The following ETNK1 variants were observed in gnomAD, a reference collection of about 807,000 sequenced individuals.
The protein encoded by ETNK1 is ethanolamine kinase 1.
A neutral mutation model predicts 45.1 loss-of-function variants in ETNK1; 8 were observed. The observed-to-expected ratio is 0.18, with a 90% CI of 0.10 to 0.32. ETNK1 has a LOEUF of 0.32. Ranked by LOEUF, ETNK1 falls within the 10% of genes least tolerant of loss-of-function variation. The pLI is 1.00. For synonymous variants in ETNK1, 152 were observed against 151.9 expected (o/e 1.00, Z -0.01); for missense variants, 302 against 430.6 (o/e 0.70, Z 2.64).
At chr12:22,668,825 T>A (rs1954079276) in intron 4 of ETNK1, among the ~76,000 whole-genome samples, 1 of 152,200 alleles carries the variant, frequency 6.6e-6, no homozygotes, top group South Asian at 2.1e-4. Flanking sequence ...CTACAAAAAG[T>A]CATTGCTAAA....
chr12:22,625,875 C>G (rs1290464148), intron 1 of ETNK1: 4 of 656,752 alleles, frequency 6.1e-6, no homozygotes, highest in Non-Finnish European at 1.1e-5. Flanking sequence ...AGTTGCCCCT[C>G]CTCCCACTCC....
chr12:22,680,605 T>C (rs569050897), intron 6 of ETNK1, among the ~76,000 whole-genome samples: 1 of 152,336 alleles, frequency 6.6e-6, no homozygotes, highest in African/African-American at 2.4e-5. Flanking sequence ...ATTTCTCTTA[T>C]TCCTTATGGA....
At position 22,686,624 on chromosome 12, in the gene ETNK1, C is replaced by T. The variant is rs757017372; in HGVS notation, c.*1670C>T. Reference sequence around the variant, plus strand: ...GTTTGTATCTGTAACAGTGTTAGACCAGATTTGGTTTCTACCTCCCCAATG... The same window carrying T: ...GTTTGTATCTGTAACAGTGTTAGACTAGATTTGGTTTCTACCTCCCCAATG... On this transcript the variant is annotated 3_prime_UTR_variant, in exon 8 of 8. Coordinates refer to ENST00000266517, the MANE Select transcript of ETNK1 (RefSeq NM_018638.5). 6.6e-6 allele frequency: 1 copy of T among 152,100 alleles called. No individual in the cohort carries two copies. The highest frequency in any genetic ancestry group is 2.4e-5 in the African/African-American group (1 of 41,374). 9.4% of individuals were successfully genotyped at this position (152,100 alleles called of 1,614,324 possible).
At chr12:22,678,624 A>G (rs529780554) in intron 6 of ETNK1, among the ~76,000 whole-genome samples, 7 of 152,232 alleles carry the variant, frequency 4.6e-5, no homozygotes, top group Non-Finnish European at 1.0e-4. Context: ...TACATTAACT[A>G]TATAATGAGT....
intron 4 of ETNK1, among the ~76,000 whole-genome samples, chr12:22,665,838 G>C (rs183633596): frequency 7.9e-5 from 12 of 152,030 alleles, no homozygotes; most frequent in Admixed American, 5.2e-4. Flanking sequence ...ATAACTACTA[G>C]TAGGTAGTTA....
rs1299128494 is a variant in ETNK1 at position 22,673,579 on chromosome 12, C to T, written c.864C>T (p.Tyr288=). Residue 288 remains tyrosine, a synonymous_variant, in exon 6 of 8, where the codon TAC becomes TAT. Transcript: ENST00000266517. ...SQWLRAYLEA[Y]KEFKGFGTEV... ...GGCTGCGTGCTTACCTTGAAGCCTA[C>T]AAAGAATTTAAGGGCTTTGGGACTG... 2 of 1,613,548 alleles carry T rather than the reference C, an allele frequency of 1.2e-6. No homozygotes were observed. Among genetic ancestry groups the T allele is most frequent in the Non-Finnish European group, 8.5e-7 (1 of 1,179,702 alleles).
chr12:22,675,582 T>G (rs1454673104), intron 6 of ETNK1, among the ~76,000 whole-genome samples: 1 of 152,116 alleles, frequency 6.6e-6, no homozygotes, highest in Non-Finnish European at 1.5e-5. Context: ...GGTCTTGGAC[T>G]CCTGGCCTCA....
intron 2 of ETNK1, chr12:22,656,808 TGTTAGA>T (rs920307912): frequency 2.0e-6 from 2 of 980,694 alleles, no homozygotes; most frequent in South Asian, 4.7e-5. Context: ...AAATAAAATC[TGTTAGA>T]GTTAAATATC....
intron 1 of ETNK1, among the ~76,000 whole-genome samples, chr12:22,628,253 A>T (rs1331440174): frequency 6.6e-6 from 1 of 152,126 alleles, no homozygotes; most frequent in Non-Finnish European, 1.5e-5. Context: ...CAAATGGCAG[A>T]TCTGAGATGA....
rs1954275187 is a variant in ETNK1, at chr12:22,688,125, T to A, written c.*3171T>A. The A allele has an allele frequency of 6.6e-6, 1 of 151,876 alleles. No individual in the cohort carries two copies. Among genetic ancestry groups the A allele is most frequent in the South Asian group, 2.1e-4 (1 of 4,832 alleles). 9.4% of individuals were successfully genotyped at this position (151,876 alleles called of 1,614,324 possible). A position where few individuals can be genotyped will look rare whatever the true frequency, so the allele number is the denominator to read the frequency against. ...AAAAATGTAATTTAATAATTTCCTATTTTTAGGGTTGTTAATTTTTTTCTA... is the reference window on the plus strand; with the variant it reads ...AAAAATGTAATTTAATAATTTCCTAATTTTAGGGTTGTTAATTTTTTTCTA... On this transcript the variant is annotated 3_prime_UTR_variant, in exon 8 of 8. Transcript: ENST00000266517.
intron 2 of ETNK1, chr12:22,656,328 A>G: frequency 1.2e-6 from 1 of 830,800 alleles, no homozygotes; most frequent in Non-Finnish European, 1.5e-6. Context: ...TATTTAAAAA[A>G]CAACTTGAGG....
intron 6 of ETNK1, among the ~76,000 whole-genome samples, chr12:22,679,324 G>C (rs1043074722): frequency 1.3e-5 from 2 of 152,334 alleles, no homozygotes; most frequent in East Asian, 3.9e-4. Context: ...CCAAGGGCAG[G>C]AGGAAGCATC....
intron 2 of ETNK1, among the ~76,000 whole-genome samples, chr12:22,645,852 C>A (rs772830324): frequency 4.0e-5 from 6 of 151,830 alleles, no homozygotes; most frequent in Non-Finnish European, 8.8e-5. Context: ...TAACCAACTT[C>A]TTTTCATCAC....
At chr12:22,644,110 A>G (rs1953775309) in intron 2 of ETNK1, 88 bp downstream of exon 2, 1 of 1,487,264 alleles carries the variant, frequency 6.7e-7, no homozygotes, top group African/African-American at 1.4e-5. Flanking sequence ...TCTTTGTTTG[A>G]GCAACTATTT....
At chr12:22,644,449 T>A in intron 2 of ETNK1, 1 of 966,712 alleles carries the variant, frequency 1.0e-6, no homozygotes, top group Non-Finnish European at 1.3e-6. Context: ...TTATTTAATT[T>A]AATATATTAT....
chr12:22,642,575 ATAT>A lies in ETNK1; in HGVS notation c.157-1182_157-1180del, dbSNP rs542810328. ...CATTATATAAACACTGGTTAGTTGTATATTATTAATAGTTTTAGTAAATACTTT... is the reference window on the plus strand; with the variant it reads ...CATTATATAAACACTGGTTAGTTGTATATTAATAGTTTTAGTAAATACTTT... On this transcript the variant is annotated intron_variant, in intron 1 of 7. Coordinates refer to ENST00000266517, the MANE Select transcript of ETNK1 (RefSeq NM_018638.5). Among the ~76,000 whole-genome samples, 240 of 152,152 alleles carry A rather than the reference ATAT, an allele frequency of 1.6e-3. 1 individual carries two copies. The highest frequency in any genetic ancestry group is 5.3e-3 in the African/African-American group (220 of 41,556).
intron 4 of ETNK1, among the ~76,000 whole-genome samples, chr12:22,666,021 C>T (rs1393238417): frequency 2.0e-5 from 3 of 152,068 alleles, no homozygotes; most frequent in Admixed American, 2.0e-4. Flanking sequence ...ATACTATGAG[C>T]ACCCTGCAGT....
chr12:22,675,617 CAGGGTATTGGGACTACAGGCATA>C (rs1954152780), intron 6 of ETNK1, among the ~76,000 whole-genome samples: 1 of 152,174 alleles, frequency 6.6e-6, no homozygotes, highest in African/African-American at 2.4e-5. Context: ...CTCAGCCTCC[CAGGGTATTGGGACTACAGGCATA>C]AGCCCTATAC....
At chr12:22,646,906 AC>A (rs1214504346) in intron 2 of ETNK1, among the ~76,000 whole-genome samples, 1 of 151,812 alleles carries the variant, frequency 6.6e-6, no homozygotes, top group Non-Finnish European at 1.5e-5. Flanking sequence ...ACAAAGAAGA[AC>A]AGAAAAGGCT....
Sources: allele counts gnomAD v4.1 joint callset (sites outside exome capture counted in the v4.1 genomes callset), GRCh38; gene constraint gnomAD v4.1.1; transcripts MANE v1.5; gene names NCBI Gene and HGNC (gene_info 2026-07-23, HGNC 2026-07-21).